The following CD247 variants were observed in gnomAD, a reference collection of about 807,000 sequenced individuals.
CD247 encodes the protein T-cell surface glycoprotein CD3 zeta chain.
In CD247, 13 loss-of-function variants were observed where a neutral mutation model predicts 30.0. That is an observed-to-expected ratio of 0.43 (90% CI 0.28 to 0.69). The LOEUF (loss-of-function observed/expected upper bound fraction) is 0.69. Ranked by LOEUF, CD247 falls within the 30% of genes least tolerant of loss-of-function variation. CD247 has a pLI of 0.16. For missense variants in CD247, 193 were observed against 212.6 expected (o/e 0.91, Z 0.57); for synonymous variants, 72 against 80.0 (o/e 0.90, Z 0.53).
rs757978223 is a variant in CD247 at position 167,438,634 on chromosome 1, C to A, written c.236G>T (p.Arg79Leu). The A allele has an allele frequency of 1.2e-6, 2 of 1,613,946 alleles. No homozygotes were observed. The highest frequency in any genetic ancestry group is 2.2e-5 in the East Asian group (1 of 44,880). Residue 79 changes from arginine (R) to leucine (L), a missense_variant, in exon 4 of 8, where the codon CGA (arginine) becomes CTA (leucine). Coordinates refer to ENST00000362089, the MANE Select transcript of CD247 (RefSeq NM_198053.3). ...GTCCAAAACATCGTACTCCTCTCTTCGTCCTAGATTGAGCTCCTATAACAG... is the reference window on the plus strand; with the variant it reads ...GTCCAAAACATCGTACTCCTCTCTTAGTCCTAGATTGAGCTCCTATAACAG... ...NQLYNELNLG[R>L]REEYDVLDKR...
intron 1 of CD247, among the ~76,000 whole-genome samples, chr1:167,507,120 T>C (rs1355178544): frequency 1.3e-5 from 2 of 152,144 alleles, no homozygotes; most frequent in East Asian, 3.8e-4. Context: ...GGTTTTGCCA[T>C]GTTGGCCAGG....
intron 1 of CD247, among the ~76,000 whole-genome samples, chr1:167,488,855 G>A (rs10918702): frequency 0.13 from 19,498 of 152,220 alleles, 1,413 homozygotes; most frequent in Middle Eastern, 0.19. Flanking sequence ...TGTTCTTGTA[G>A]CTCAGACAGC....
intron 1 of CD247, among the ~76,000 whole-genome samples, chr1:167,448,880 A>T (rs75970328): frequency 0.048 from 7,289 of 152,086 alleles, 583 homozygotes; most frequent in African/African-American, 0.17. Context: ...ATAAACAAAA[A>T]TTTTTTTAAA....
chr1:167,493,921 C>G (rs1234187865), intron 1 of CD247, among the ~76,000 whole-genome samples: 1 of 152,150 alleles, frequency 6.6e-6, no homozygotes, highest in Non-Finnish European at 1.5e-5. Flanking sequence ...ACAGAATCAG[C>G]AAAAACCCCA....
At chr1:167,466,160 G>A (rs1653235846) in intron 1 of CD247, among the ~76,000 whole-genome samples, 1 of 152,210 alleles carries the variant, frequency 6.6e-6, no homozygotes, top group Non-Finnish European at 1.5e-5. Context: ...AACTTTATCA[G>A]GGATTTGAGT....
intron 1 of CD247, among the ~76,000 whole-genome samples, chr1:167,486,389 G>A (rs1282205091): frequency 1.3e-5 from 2 of 152,238 alleles, no homozygotes; most frequent in African/African-American, 4.8e-5. Context: ...GAGCAAAATC[G>A]AGGGACTGGA....
intron 1 of CD247, among the ~76,000 whole-genome samples, chr1:167,488,834 G>A (rs550785975): frequency 5.9e-5 from 9 of 152,262 alleles, no homozygotes; most frequent in African/African-American, 1.9e-4. Context: ...TTTATGTCAC[G>A]TACGTGAGTA....
intron 1 of CD247, among the ~76,000 whole-genome samples, chr1:167,449,153 T>C (rs1330792406): frequency 1.9e-5 from 1 of 53,276 alleles, no homozygotes; most frequent in Admixed American, 2.1e-4. Flanking sequence ...TCTTTTCTTT[T>C]TTTTTTTTTT....
At chr1:167,492,714 G>A (rs1227827829) in intron 1 of CD247, among the ~76,000 whole-genome samples, 2 of 152,230 alleles carry the variant, frequency 1.3e-5, no homozygotes, top group South Asian at 4.1e-4. Context: ...AAGGAGGTGG[G>A]AAACCACTCA....
chr1:167,477,290 C>A (rs145804401), intron 1 of CD247, among the ~76,000 whole-genome samples: 17 of 152,318 alleles, frequency 1.1e-4, no homozygotes, highest in Middle Eastern at 3.4e-3. Flanking sequence ...AAGAACAAAG[C>A]CCATGACCTT....
chr1:167,467,045 A>G (rs1041368375), intron 1 of CD247, among the ~76,000 whole-genome samples: 3 of 151,900 alleles, frequency 2.0e-5, no homozygotes, highest in East Asian at 1.9e-4. Context: ...TTCACGTGTT[A>G]GCCAGGATGG....
chr1:167,518,526 G>C lies in CD247; in HGVS notation c.-61C>G. On this transcript the variant is annotated 5_prime_UTR_variant, in exon 1 of 8. Coordinates refer to ENST00000362089, the MANE Select transcript of CD247 (RefSeq NM_198053.3). ...AGGCTGAGGCAGCGGTGGCCGGGAC[G>C]GTTAGGAGAAAAGGAGTCTCTGCTG... is the stretch of plus-strand genomic sequence containing the variant. 10 of 1,462,462 alleles carry C rather than the reference G, an allele frequency of 6.8e-6. No individual in the cohort carries two copies. The highest frequency in any genetic ancestry group is 9.6e-6 in the Non-Finnish European group (10 of 1,045,484). 90.6% of individuals were successfully genotyped at this position (1,462,462 alleles called of 1,614,324 possible).
At chr1:167,437,685 A>G (rs1020287689) in intron 4 of CD247, among the ~76,000 whole-genome samples, 1 of 152,226 alleles carries the variant, frequency 6.6e-6, no homozygotes, top group Non-Finnish European at 1.5e-5. Flanking sequence ...AAGCATGGAC[A>G]GGTAGCATGA....
intron 1 of CD247, among the ~76,000 whole-genome samples, chr1:167,473,765 C>T (rs1055646310): frequency 5.9e-5 from 9 of 152,226 alleles, no homozygotes; most frequent in Admixed American, 3.3e-4. Flanking sequence ...CTTTGAGGAG[C>T]TCTCACTGTG....
chr1:167,498,455 A>G (rs1571588746), intron 1 of CD247, among the ~76,000 whole-genome samples: 1 of 152,320 alleles, frequency 6.6e-6, no homozygotes, highest in African/African-American at 2.4e-5. Context: ...ACAGACAGAC[A>G]TGGCCACTGG....
intron 1 of CD247, among the ~76,000 whole-genome samples, chr1:167,515,906 A>G (rs907196441): frequency 6.6e-6 from 1 of 152,274 alleles, no homozygotes; most frequent in African/African-American, 2.4e-5. Flanking sequence ...TCTACTATGT[A>G]TTGGACACAT....
intron 1 of CD247, among the ~76,000 whole-genome samples, chr1:167,449,156 T>TTTTTTC (rs71572460): frequency 3.5e-5 from 4 of 113,586 alleles, no homozygotes; most frequent in Non-Finnish European, 5.1e-5. Flanking sequence ...TTTCTTTTTT[T>TTTTTTC]TTTTTTTTTT....
chr1:167,439,488 A>G, intron 2 of CD247, 88 bp from the exon 3 acceptor site: 1 of 1,152,712 alleles, frequency 8.7e-7, no homozygotes, highest in Non-Finnish European at 1.3e-6. Flanking sequence ...CCCGAGGGAC[A>G]GCCCTACTCC....
Position 167,488,007 on chromosome 1 carries a change from G to A in CD247, c.58+30401C>T, listed in dbSNP as rs145803668. Among the ~76,000 whole-genome samples, 60 of 152,252 alleles carry A rather than the reference G, an allele frequency of 3.9e-4. 1 individual carries two copies. Among genetic ancestry groups the A allele is most frequent in the African/African-American group, 1.3e-3 (52 of 41,550 alleles). ...TCCCCACTCGGCCCCCAAAGGGCTG[G>A]GATTGCAAGCATGAGCCACTGTGTG... On this transcript the variant is annotated intron_variant, in intron 1 of 7. Coordinates refer to ENST00000362089, the MANE Select transcript of CD247 (RefSeq NM_198053.3).
Sources: allele counts gnomAD v4.1 joint callset (sites outside exome capture counted in the v4.1 genomes callset), GRCh38; gene constraint gnomAD v4.1.1; transcripts MANE v1.5; gene names NCBI Gene and HGNC (gene_info 2026-07-23, HGNC 2026-07-21).